ROBO2: variants seen among roughly 807,000 people sequenced by gnomAD.
The protein encoded by ROBO2 is roundabout guidance receptor 2, also known as roundabout homolog 2.
A neutral mutation model predicts 160.8 loss-of-function variants in ROBO2; 53 were observed. That is an observed-to-expected ratio of 0.33 (90% CI 0.26 to 0.41). ROBO2 has a LOEUF of 0.41. ROBO2 is among the 10% of genes least tolerant of loss of function. The probability of loss-of-function intolerance (pLI) is 1.00; values close to 1 mark genes in which losing one functional copy is unlikely to be tolerated. For missense variants in ROBO2, 1,577 were observed against 1,722.4 expected, an observed-to-expected ratio of 0.92 and a Z score of 1.49; for synonymous variants, 664 against 611.7, an observed-to-expected ratio of 1.09 and a Z score of -1.26.
intron 2 of ROBO2, among the ~76,000 whole-genome samples, chr3:76,558,942 A>G (rs1239542676): frequency 6.6e-6 from 1 of 152,174 alleles, no homozygotes; most frequent in Non-Finnish European, 1.5e-5. Flanking sequence ...TTGGTATCCC[A>G]GACTCTAGAC....
intron 2 of ROBO2, among the ~76,000 whole-genome samples, chr3:77,015,158 T>C (rs550416632): frequency 1.3e-5 from 2 of 152,026 alleles, no homozygotes; most frequent in Admixed American, 1.3e-4. Context: ...CCTAAGGAAA[T>C]AGTGTTTAAA....
At chr3:76,165,074 C>T (rs997777072) in intron 2 of ROBO2, among the ~76,000 whole-genome samples, 6 of 151,650 alleles carry the variant, frequency 4.0e-5, no homozygotes, top group African/African-American at 7.3e-5. Context: ...TTTTTTACCA[C>T]GGGAAAAAAT....
chr3:76,474,802 G>A (rs797011953), intron 2 of ROBO2, among the ~76,000 whole-genome samples: 6 of 152,228 alleles, frequency 3.9e-5, no homozygotes, highest in African/African-American at 1.4e-4. Context: ...GCTCACTCTT[G>A]CATCTGCAGA....
At chr3:76,017,688 C>G (rs1013143231) in intron 2 of ROBO2, among the ~76,000 whole-genome samples, 5 of 152,082 alleles carry the variant, frequency 3.3e-5, no homozygotes, top group Non-Finnish European at 4.4e-5. Context: ...CACACACATA[C>G]AGACACACAC....
At chr3:77,049,755 T>C (rs926856765) in intron 1 of ROBO2, among the ~76,000 whole-genome samples, 3 of 152,214 alleles carry the variant, frequency 2.0e-5, no homozygotes, top group Non-Finnish European at 2.9e-5. Flanking sequence ...CCAAGCTTTT[T>C]GGAAATGAGC....
At chr3:76,520,032 G>T (rs189096450) in intron 2 of ROBO2, among the ~76,000 whole-genome samples, 1 of 152,118 alleles carries the variant, frequency 6.6e-6, no homozygotes, top group African/African-American at 2.4e-5. Flanking sequence ...TAAATACCTC[G>T]TTAGTCCCTC....
chr3:77,617,710 T>C (rs770306231), exon 22 of ROBO2: 6 of 1,613,918 alleles, frequency 3.7e-6, no homozygotes, highest in South Asian at 1.1e-5. Flanking sequence ...ATGCAACCCA[T>C]GCTGCAGGCT....
At chr3:76,149,850 A>T (rs1176069897) in intron 2 of ROBO2, among the ~76,000 whole-genome samples, 4 of 151,230 alleles carry the variant, frequency 2.6e-5, no homozygotes, top group African/African-American at 7.3e-5. Context: ...TGTCTAAAGC[A>T]CACATCATAT....
intron 2 of ROBO2, among the ~76,000 whole-genome samples, chr3:76,894,033 A>G (rs988739841): frequency 6.6e-6 from 1 of 152,148 alleles, no homozygotes; most frequent in African/African-American, 2.4e-5. Context: ...TGCTCTTTCA[A>G]CAGTAGAGAT....
intron 2 of ROBO2, among the ~76,000 whole-genome samples, chr3:76,838,741 G>A (rs921072953): frequency 6.6e-5 from 10 of 152,008 alleles, no homozygotes; most frequent in Non-Finnish European, 1.3e-4. Flanking sequence ...TAAGGGCTCC[G>A]AAAGTGGAAT....
At chr3:75,994,047 TA>T (rs1178492367) in intron 2 of ROBO2, among the ~76,000 whole-genome samples, 1 of 152,108 alleles carries the variant, frequency 6.6e-6, no homozygotes, top group East Asian at 1.9e-4. Flanking sequence ...ATTAAGAGTA[TA>T]AAGAAAGGGA....
At chr3:77,518,830 G>GTTAAAAATTTTAACGGT (rs2090298901) in intron 5 of ROBO2, among the ~76,000 whole-genome samples, 6 of 151,416 alleles carry the variant, frequency 4.0e-5, no homozygotes. Flanking sequence ...ACTGTTATAG[G>GTTAAAAATTTTAACGGT]CTAGACCGTT....
At chr3:76,500,127 A>AT (rs990509914) in intron 2 of ROBO2, among the ~76,000 whole-genome samples, 1 of 151,992 alleles carries the variant, frequency 6.6e-6, no homozygotes. Flanking sequence ...TATTTAATTA[A>AT]TTTTTTTATT....
chr3:77,297,250 G>A (rs2062230871), intron 2 of ROBO2, among the ~76,000 whole-genome samples: 1 of 152,116 alleles, frequency 6.6e-6, no homozygotes, highest in South Asian at 2.1e-4. Context: ...TCAGGCTCAA[G>A]TTAGTCAATT....
chr3:77,219,432 G>GTATATATATATATA (rs1235543969), intron 2 of ROBO2, among the ~76,000 whole-genome samples: 1 of 76,754 alleles, frequency 1.3e-5, no homozygotes, highest in East Asian at 4.2e-4. Flanking sequence ...GTGTATGTGT[G>GTATATATATATATA]TGTATATATA....
rs1199805792 is a variant in ROBO2 at position 76,851,753 on chromosome 3, A to C, written c.110-246261A>C. Among the ~76,000 whole-genome samples the C allele has an allele frequency of 2.1e-5, 3 of 145,298 alleles. No homozygotes were observed. In the East Asian group the frequency reaches 6.8e-4, roughly 33 times the overall value. ...CGAGACTCCGTCTCAAAAAAAAAAA[A>C]AAAAAAAAAAAATATTAACATGTGC... On this transcript the variant is annotated intron_variant, in intron 2 of 26. Transcript: ENST00000487694.
At chr3:77,359,929 A>G (rs141138767) in intron 2 of ROBO2, among the ~76,000 whole-genome samples, 16 of 152,254 alleles carry the variant, frequency 1.1e-4, no homozygotes, top group African/African-American at 3.8e-4. Flanking sequence ...CAAGTGATCT[A>G]CCAAAGTGAT....
intron 2 of ROBO2, among the ~76,000 whole-genome samples, chr3:77,103,956 T>A (rs2072425282): frequency 6.6e-6 from 1 of 152,162 alleles, no homozygotes; most frequent in Non-Finnish European, 1.5e-5. Context: ...TGTAAATGCA[T>A]CTTATCTAGG....
At chr3:75,911,100 G>A (rs1946561013) in intron 1 of ROBO2, among the ~76,000 whole-genome samples, 1 of 152,016 alleles carries the variant, frequency 6.6e-6, no homozygotes, top group Admixed American at 6.6e-5. Context: ...ACAGCTTAGT[G>A]TGATATATAT....
Sources: allele counts gnomAD v4.1 joint callset (sites outside exome capture counted in the v4.1 genomes callset), GRCh38; gene constraint gnomAD v4.1.1; transcripts MANE v1.5; gene names NCBI Gene and HGNC (gene_info 2026-07-23, HGNC 2026-07-21).